The following PCNT variants were observed in gnomAD, a reference collection of about 807,000 sequenced individuals.
The protein encoded by PCNT is kendrin.
Under a neutral mutation model 380.4 loss-of-function variants are expected in PCNT, and 319 were observed. The ratio of observed to expected loss-of-function variants is 0.84; its 90% CI spans 0.77 to 0.92. The LOEUF (loss-of-function observed/expected upper bound fraction) is 0.92, where lower values mean the gene tolerates loss of function less well. Ranked by LOEUF, PCNT falls within the 40% of genes least tolerant of loss-of-function variation. The pLI is 0.00. For synonymous variants in PCNT, 1,845 were observed against 1,735.2 expected (o/e 1.06, Z -1.57); for missense variants, 4,400 against 4,255.3 (o/e 1.03, Z -0.95).
chr21:46,442,802 GA>G, intron 44 of PCNT: 1 of 592,350 alleles, frequency 1.7e-6, no homozygotes, highest in Non-Finnish European at 3.0e-6. Context: ...ACGGCGATGG[GA>G]AACACTGAGA....
Position 46,381,675 on chromosome 21 carries a change from TTGTTATTGA to T in PCNT, c.3166-15_3166-7del, listed in dbSNP as rs781514837. The T allele has an allele frequency of 1.9e-6, 3 of 1,608,968 alleles. No homozygotes were observed. The highest frequency in any genetic ancestry group is 2.6e-6 in the Non-Finnish European group (3 of 1,175,322). On this transcript the variant is annotated splice_polypyrimidine_tract_variant and intron_variant, in intron 15 of 46. Coordinates refer to ENST00000359568, the MANE Select transcript of PCNT (RefSeq NM_006031.6). The stretch of plus-strand genomic sequence containing the variant: ...TTTTCTAGCTTACTGGTATTTTTTA[TTGTTATTGA>T]TGTGTACAGGGTGAATTTGGAAGTG...
rs114045212 is a variant in PCNT, at chr21:46,371,781, C to T, written c.3165+4642C>T. ...CCTGCTGGTCTGCATGATGAGCACA[C>T]GCACACACAGCACATGTGCACACAC... On this transcript the variant is annotated intron_variant, in intron 15 of 46. Coordinates refer to ENST00000359568, the MANE Select transcript of PCNT (RefSeq NM_006031.6). Among the ~76,000 whole-genome samples the T allele has an allele frequency of 5.1e-3, 775 of 152,318 alleles. 4 individuals are homozygous for T. The highest frequency in any genetic ancestry group is 0.017 in the African/African-American group (713 of 41,562).
Position 46,325,998 on chromosome 21 carries a change from T to A in PCNT, c.55-379T>A, listed in dbSNP as rs551055828. Among the ~76,000 whole-genome samples, 12 of 152,360 alleles carry A rather than the reference T, an allele frequency of 7.9e-5. No individual in the cohort carries two copies. In the South Asian group the frequency reaches 2.5e-3, roughly 32 times the overall value. ...TATATTTCTTCAGTTGGGGGAAAATTGGGGCAAGAAGGGAGAGATTTAGCT... is the reference window on the plus strand; with the variant it reads ...TATATTTCTTCAGTTGGGGGAAAATAGGGGCAAGAAGGGAGAGATTTAGCT... On this transcript the variant is annotated intron_variant, in intron 1 of 46. Transcript: ENST00000359568.
rs753073203 is a variant in PCNT, at chr21:46,431,829, G to A, written c.8365G>A (p.Ala2789Thr). The part of the protein sequence containing the change: ...CVHQDTQAHH[A>T]LLQKLKEEKS... Reference sequence around the variant, plus strand: ...GCACCAGGACACACAGGCCCATCACGCTCTGCTGCAGAAGCTGAAGGAGGA... The same window carrying A: ...GCACCAGGACACACAGGCCCATCACACTCTGCTGCAGAAGCTGAAGGAGGA... The change falls in exon 38 of 47, where the codon GCT becomes ACT. Residue 2789 changes from alanine to threonine, a missense_variant. By Grantham distance (58) the Ala-to-Thr change is moderately conservative. Coordinates refer to ENST00000359568, the MANE Select transcript of PCNT (RefSeq NM_006031.6). 20 of 1,613,712 alleles carry A rather than the reference G, an allele frequency of 1.2e-5. No individual in the cohort carries two copies. The highest frequency in any genetic ancestry group is 4.0e-5 in the African/African-American group (3 of 74,942).
chr21:46,390,343 G>A (rs539014258), intron 19 of PCNT, among the ~76,000 whole-genome samples: 1 of 152,326 alleles, frequency 6.6e-6, no homozygotes, highest in South Asian at 2.1e-4. Context: ...TTTTTGCTAA[G>A]TTTTGAGTTC....
chr21:46,328,470 G>T (rs569456224), intron 2 of PCNT, among the ~76,000 whole-genome samples: 205 of 151,670 alleles, frequency 1.4e-3, no homozygotes, highest in African/African-American at 2.8e-3. Context: ...ATGTTTTTTG[G>T]TTTTTTTTGA....
chr21:46,368,441 C>G (rs1434847251), intron 15 of PCNT, among the ~76,000 whole-genome samples: 3 of 151,398 alleles, frequency 2.0e-5, no homozygotes, highest in African/African-American at 7.3e-5. Flanking sequence ...GAGCAAGACT[C>G]TGTCTCAAAA....
intron 15 of PCNT, among the ~76,000 whole-genome samples, chr21:46,381,266 C>T (rs888900005): frequency 7.1e-6 from 1 of 140,576 alleles, no homozygotes; most frequent in Non-Finnish European, 1.5e-5. Context: ...TCTATTGAAC[C>T]TTATTTAAAA....
chr21:46,333,144 G>T (rs2083609880), intron 2 of PCNT, among the ~76,000 whole-genome samples: 1 of 151,714 alleles, frequency 6.6e-6, no homozygotes, highest in Admixed American at 6.6e-5. Context: ...TTTTAAAGTA[G>T]AATTCATGGC....
In PCNT at chr21:46,328,268, T is replaced by TTC. The variant is rs1555941975; in HGVS notation, c.267+1679_267+1680insTC. On this transcript the variant is annotated intron_variant, in intron 2 of 46. Coordinates refer to ENST00000359568, the MANE Select transcript of PCNT (RefSeq NM_006031.6). Reference sequence around the variant, plus strand: ...TGGGTTGGTGTGTTTTTTTTTTTTTTCCCGTTTTCTTTTTAAGATACAGTC... The same window carrying TTC: ...TGGGTTGGTGTGTTTTTTTTTTTTTTTCCCCGTTTTCTTTTTAAGATACAGTC... Among the ~76,000 whole-genome samples, 107 of 27,688 alleles carry TTC rather than the reference T, an allele frequency of 3.9e-3. No individual in the cohort carries two copies. The East Asian group carries it at 0.043, about 11-fold the overall frequency. 18.2% of individuals were successfully genotyped at this position (27,688 alleles called of 152,430 possible).
At position 46,421,989 on chromosome 21, in the gene PCNT, A is replaced by G; in HGVS notation, c.7044A>G (p.Gly2348=). The G allele has an allele frequency of 6.2e-7, 1 of 1,613,834 alleles. No individual in the cohort carries two copies. Among genetic ancestry groups the G allele is most frequent in the Non-Finnish European group, 8.5e-7 (1 of 1,179,974 alleles). The change falls in exon 32 of 47, where the codon GGA becomes GGG. Residue 2348 remains glycine (G), a synonymous_variant. Transcript: ENST00000359568. The part of the protein sequence containing the change: ...RSEKSDGSGF[G]ARLSPGSGGP... ...TTTTAGGTGACGGCTCGGGTTTTGGAGCAAGACTGAGCCCGGGGTCAGGAG... is the reference window on the plus strand; with the variant it reads ...TTTTAGGTGACGGCTCGGGTTTTGGGGCAAGACTGAGCCCGGGGTCAGGAG...
At chr21:46,436,910 CTT>C in intron 39 of PCNT, 67 bp from the exon 40 acceptor site, 4 of 1,100,048 alleles carry the variant, frequency 3.6e-6, no homozygotes, top group South Asian at 2.5e-5. Context: ...GCCGTGAGCT[CTT>C]GTTTAGTTTT....
chr21:46,413,956 C>T (rs928388855), intron 29 of PCNT, among the ~76,000 whole-genome samples: 7 of 151,930 alleles, frequency 4.6e-5, no homozygotes, highest in Admixed American at 2.0e-4. Context: ...CTCCTCAGGC[C>T]GCATCAGGTG....
At chr21:46,384,143 C>T (rs1385479351) in intron 16 of PCNT, among the ~76,000 whole-genome samples, 3 of 141,334 alleles carry the variant, frequency 2.1e-5, no homozygotes, top group South Asian at 2.4e-4. Context: ...GTGATGGAAG[C>T]ACATTCACAG....
At chr21:46,434,788 G>C (rs2087898084) in intron 38 of PCNT, among the ~76,000 whole-genome samples, 1 of 152,240 alleles carries the variant, frequency 6.6e-6, no homozygotes, top group Admixed American at 6.5e-5. Context: ...ATACGTGTGT[G>C]CATGTTCACA....
intron 21 of PCNT, among the ~76,000 whole-genome samples, chr21:46,392,126 C>G (rs1306407138): frequency 3.3e-5 from 5 of 152,084 alleles, no homozygotes; most frequent in Non-Finnish European, 5.9e-5. Context: ...AGAAAACAAC[C>G]AGCTTTTGAT....
At chr21:46,354,835 A>G (rs2084414208) in intron 11 of PCNT, among the ~76,000 whole-genome samples, 1 of 152,192 alleles carries the variant, frequency 6.6e-6, no homozygotes. Context: ...GCGGACCCCA[A>G]CACAGAATTT....
chr21:46,439,921 C>T (rs1031621574), intron 41 of PCNT, among the ~76,000 whole-genome samples, 162 bp from the exon 42 acceptor site: 1 of 152,188 alleles, frequency 6.6e-6, no homozygotes, highest in African/African-American at 2.4e-5. Context: ...GTAACCTAGG[C>T]CCTGCTGAGG....
chr21:46,325,733 C>A (rs1030267167), intron 1 of PCNT, among the ~76,000 whole-genome samples: 8 of 152,138 alleles, frequency 5.3e-5, no homozygotes, highest in Non-Finnish European at 1.2e-4. Flanking sequence ...AAGACGTTAG[C>A]GGGAGATGAG....
Sources: allele counts gnomAD v4.1 joint callset (sites outside exome capture counted in the v4.1 genomes callset), GRCh38; gene constraint gnomAD v4.1.1; transcripts MANE v1.5; gene names NCBI Gene and HGNC (gene_info 2026-07-23, HGNC 2026-07-21).